Variants in TAPT1 observed in about 807,000 individuals in gnomAD.
TAPT1 encodes the protein transmembrane anterior posterior transformation 1, also known as transmembrane anterior posterior transformation protein 1 homolog.
TAPT1 carries 28 observed loss-of-function variants against 65.6 expected under a neutral mutation model. The ratio of observed to expected loss-of-function variants is 0.43; its 90% CI spans 0.32 to 0.59. The LOEUF (loss-of-function observed/expected upper bound fraction) is 0.59. TAPT1 is among the 20% of genes least tolerant of loss of function. The pLI is 0.09. For missense variants in TAPT1, 563 were observed against 679.9 expected (o/e 0.83, Z 1.91); for synonymous variants, 278 against 245.2 (o/e 1.13, Z -1.25).
chr4:16,188,695 C>A (rs899352628), intron 4 of TAPT1, among the ~76,000 whole-genome samples: 1 of 151,316 alleles, frequency 6.6e-6, no homozygotes, highest in African/African-American at 2.4e-5. Context: ...CCGAGGTGGG[C>A]GGATCACGAG....
At chr4:16,218,804 T>C (rs1323835835) in intron 1 of TAPT1, among the ~76,000 whole-genome samples, 1 of 152,244 alleles carries the variant, frequency 6.6e-6, no homozygotes, top group African/African-American at 2.4e-5. Context: ...TTGGTGGTTA[T>C]CTAATGTTTA....
intron 11 of TAPT1, among the ~76,000 whole-genome samples, chr4:16,173,068 C>T (rs1342271472): frequency 6.6e-6 from 1 of 152,164 alleles, no homozygotes; most frequent in Non-Finnish European, 1.5e-5. Flanking sequence ...AGGTGATCCA[C>T]CTGCCTTAGC....
chr4:16,190,009 T>C (rs1343153783), intron 4 of TAPT1: 1 of 152,300 alleles, frequency 6.6e-6, no homozygotes, highest in Admixed American at 6.5e-5. Flanking sequence ...CTATTCTGTT[T>C]CACAAACTTT....
In TAPT1 at chr4:16,174,204, T is replaced by C; in HGVS notation, c.1236A>G (p.Leu412=). The C allele has an allele frequency of 6.2e-7, 1 of 1,602,356 alleles. No homozygotes were observed. Among genetic ancestry groups the C allele is most frequent in the East Asian group, 2.2e-5 (1 of 44,550 alleles). ...MGFIPLPLAV[L]LIRVVTSSIK... Reference sequence around the variant, plus strand: ...AAAACATTAAAAAGTATGCACTTACTAAAACAGCTAGTGGGAGAGGAATAA... The same window carrying C: ...AAAACATTAAAAAGTATGCACTTACCAAAACAGCTAGTGGGAGAGGAATAA... Residue 412 remains leucine (L), a splice_region_variant and synonymous_variant, in exon 11 of 14, where the codon TTA becomes TTG. Coordinates refer to ENST00000405303, the MANE Select transcript of TAPT1 (RefSeq NM_153365.3).
intron 1 of TAPT1, among the ~76,000 whole-genome samples, chr4:16,219,786 T>C (rs1323572368): frequency 6.6e-6 from 1 of 152,186 alleles, no homozygotes; most frequent in Non-Finnish European, 1.5e-5. Context: ...ATTTTCATAT[T>C]ATGAAAAAAC....
At chr4:16,222,938 T>C (rs911717086) in intron 1 of TAPT1, among the ~76,000 whole-genome samples, 2 of 152,214 alleles carry the variant, frequency 1.3e-5, no homozygotes, top group Non-Finnish European at 2.9e-5. Flanking sequence ...TTTCTTGTTT[T>C]ACAAGCAATA....
chr4:16,193,737 A>C (rs1235691733), intron 3 of TAPT1, among the ~76,000 whole-genome samples: 1 of 152,210 alleles, frequency 6.6e-6, no homozygotes, highest in Non-Finnish European at 1.5e-5. Flanking sequence ...AGCAGGGAAC[A>C]AACGTGAGCC....
At chr4:16,171,687 A>G (rs1246746340) in intron 11 of TAPT1, among the ~76,000 whole-genome samples, 1 of 152,224 alleles carries the variant, frequency 6.6e-6, no homozygotes, top group African/African-American at 2.4e-5. Flanking sequence ...GAAGCCCTCA[A>G]CCGTGTCACA....
intron 8 of TAPT1, among the ~76,000 whole-genome samples, chr4:16,178,292 C>A (rs189522496): frequency 1.3e-5 from 2 of 152,220 alleles, no homozygotes; most frequent in East Asian, 3.9e-4. Flanking sequence ...CTTATGGTTT[C>A]TCTATGAAAA....
intron 3 of TAPT1, chr4:16,196,807 A>C: frequency 1.5e-6 from 1 of 649,378 alleles, no homozygotes; most frequent in Non-Finnish European, 2.5e-6. Context: ...ACGGGACAAT[A>C]AAACCTGGTG....
chr4:16,200,576 T>C (rs1017403178), intron 3 of TAPT1, among the ~76,000 whole-genome samples: 4 of 152,202 alleles, frequency 2.6e-5, no homozygotes, highest in Non-Finnish European at 5.9e-5. Context: ...TCCTCCTACC[T>C]TGGCCTCCCA....
chr4:16,225,646 A>G (rs892394838), intron 1 of TAPT1, among the ~76,000 whole-genome samples: 1 of 152,258 alleles, frequency 6.6e-6, no homozygotes, highest in African/African-American at 2.4e-5. Flanking sequence ...TGTAGGATTC[A>G]TAAGTACACA....
Position 16,161,860 on chromosome 4 carries a change from G to A in TAPT1, c.*1448C>T, listed in dbSNP as rs969480554. 6.6e-6 allele frequency: 1 copy of A among 152,156 alleles called. No individual in the cohort carries two copies. Among genetic ancestry groups the A allele is most frequent in the Non-Finnish European group, 1.5e-5 (1 of 68,032 alleles). The allele number at this position is 152,156 out of a possible 1,614,324, so 9.4% of individuals were successfully genotyped here. A position where few individuals can be genotyped will look rare whatever the true frequency, so the allele number is the denominator to read the frequency against. ...TAAAAATTGCTTTCTGCCTATGTAT[G>A]TACGCCTGAAACATTTGCATGAGAG... On this transcript the variant is annotated 3_prime_UTR_variant, in exon 14 of 14. Transcript: ENST00000405303.
At chr4:16,216,438 C>G (rs189406632) in intron 1 of TAPT1, among the ~76,000 whole-genome samples, 2 of 152,344 alleles carry the variant, frequency 1.3e-5, no homozygotes, top group Non-Finnish European at 2.9e-5. Context: ...ATCCTAAAAT[C>G]ACATCTTCAG....
At chr4:16,195,558 CT>C (rs2149697147) in intron 3 of TAPT1, among the ~76,000 whole-genome samples, 1 of 152,270 alleles carries the variant, frequency 6.6e-6, no homozygotes, top group Non-Finnish European at 1.5e-5. Context: ...AAACAGAATT[CT>C]TTTAAAAATT....
intron 3 of TAPT1, among the ~76,000 whole-genome samples, chr4:16,194,361 C>G (rs1749561357): frequency 6.6e-6 from 1 of 152,162 alleles, no homozygotes; most frequent in Non-Finnish European, 1.5e-5. Flanking sequence ...AGCCAAGGGA[C>G]AGTCAGGAAC....
At chr4:16,206,916 C>T (rs1750378880) in intron 2 of TAPT1, among the ~76,000 whole-genome samples, 1 of 152,118 alleles carries the variant, frequency 6.6e-6, no homozygotes, top group Admixed American at 6.5e-5. Flanking sequence ...TATGCCCAAC[C>T]TCCCCTGAGA....
chr4:16,224,429 CA>C (rs1751432841), intron 1 of TAPT1, among the ~76,000 whole-genome samples: 1 of 152,100 alleles, frequency 6.6e-6, no homozygotes, highest in African/African-American at 2.4e-5. Context: ...GCAGGGACAC[CA>C]GGGGAAAAGA....
intron 7 of TAPT1, among the ~76,000 whole-genome samples, chr4:16,185,483 C>T (rs28670993): frequency 0.081 from 12,252 of 151,902 alleles, 596 homozygotes; most frequent in Middle Eastern, 0.14. Flanking sequence ...ATTCTCCTGC[C>T]TCAGTCTCCC....
Sources: gnomAD v4.1 joint callset for allele counts (sites outside exome capture counted in the v4.1 genomes callset) on GRCh38, gnomAD v4.1.1 for gene constraint, MANE v1.5 for transcripts, NCBI Gene and HGNC (gene_info 2026-07-23, HGNC 2026-07-21) for gene names.